LRRC45: variants seen among roughly 807,000 people sequenced by gnomAD.
LRRC45 encodes leucine-rich repeat-containing protein 45.
Under a neutral mutation model 85.4 loss-of-function variants are expected in LRRC45, and 73 were observed. That is an observed-to-expected ratio of 0.85 (90% CI 0.71 to 1.04). The LOEUF is 1.04. LRRC45 is among the 50% of genes least tolerant of loss of function. The probability of loss-of-function intolerance (pLI) is 0.00; values close to 1 mark genes in which losing one functional copy is unlikely to be tolerated. For synonymous variants in LRRC45, 429 were observed against 386.0 expected, an observed-to-expected ratio of 1.11 and a Z score of -1.31; for missense variants, 937 against 883.3, an observed-to-expected ratio of 1.06 and a Z score of -0.77.
rs1437504479 is a variant in LRRC45, at chr17:82,025,113, T to C, written c.467T>C (p.Ile156Thr). ...LQRLDLRNNQ[I>T]SHKGAEELAL... ...CGGCTGGACCTCCGCAACAACCAGA[T>C]CAGTCACAAGGGCGCGGAGGAGCTG... Residue 156 changes from isoleucine (I) to threonine (T), a missense_variant, in exon 4 of 17, where the codon ATC becomes ACC. Coordinates refer to ENST00000306688, the MANE Select transcript of LRRC45 (RefSeq NM_144999.4). 6.2e-7 allele frequency: 1 copy of C among 1,611,300 alleles called. No individual in the cohort carries two copies. The highest frequency in any genetic ancestry group is 8.5e-7 in the Non-Finnish European group (1 of 1,179,374).
In LRRC45 at chr17:82,026,880, GAC is replaced by G. The variant is rs777755013; in HGVS notation, c.662-15_662-14del. Reference sequence around the variant, plus strand: ...CAGGCATGAGCCCCTGTGCCCAGCTGACACAGCTCCTTCTGCAGAGCAAGCCA... The same window carrying G: ...CAGGCATGAGCCCCTGTGCCCAGCTGACAGCTCCTTCTGCAGAGCAAGCCA... On this transcript the variant is annotated splice_polypyrimidine_tract_variant and intron_variant, in intron 5 of 16. Coordinates refer to ENST00000306688, the MANE Select transcript of LRRC45 (RefSeq NM_144999.4). 4 of 1,586,376 alleles carry G rather than the reference GAC, an allele frequency of 2.5e-6. No homozygotes were observed. Among genetic ancestry groups the G allele is most frequent in the African/African-American group, 2.7e-5 (2 of 74,710 alleles).
Position 82,030,609 on chromosome 17 carries a change from TG to T in LRRC45, c.1818del (p.Met607TrpfsTer57). Reference sequence around the variant, plus strand: ...GCTCACTGCGCTCCTTGCCCTGCAGTGATGGCGAGCGACCACCGAGAGGCGC... The same window carrying T: ...GCTCACTGCGCTCCTTGCCCTGCAGTATGGCGAGCGACCACCGAGAGGCGC... ...KAAALERQLK[V>X]MASDHREALL... On this transcript the variant is annotated frameshift_variant and splice_region_variant, in exon 17 of 17. Coordinates refer to ENST00000306688, the MANE Select transcript of LRRC45 (RefSeq NM_144999.4). LOFTEE classifies it high-confidence loss of function. 3 of 1,291,706 alleles carry T rather than the reference TG, an allele frequency of 2.3e-6. No homozygotes were observed. The highest frequency in any genetic ancestry group is 2.0e-5 in the South Asian group (1 of 49,586). The allele number at this position is 1,291,706 out of a possible 1,614,324, so 80.0% of individuals were successfully genotyped here.
In LRRC45 at chr17:82,028,116, G is replaced by A; in HGVS notation, c.1017G>A (p.Arg339=). 1 of 1,573,416 alleles carries A rather than the reference G, an allele frequency of 6.4e-7. No individual in the cohort carries two copies. Among genetic ancestry groups the A allele is most frequent in the Non-Finnish European group, 8.6e-7 (1 of 1,160,498 alleles). ...AGGAGCAGCTGAGCCTGTCACAGAG[G>A]CAGGCCAAGGAGCTCAAGCTGGAGC... ...AEQEQLSLSQ[R]QAKELKLEQQ... Residue 339 remains arginine (R), a synonymous_variant, in exon 9 of 17, where the codon AGG becomes AGA. Transcript: ENST00000306688.
chr17:82,029,311 C>A, intron 13 of LRRC45, 126 bp downstream of exon 13: 1 of 1,012,226 alleles, frequency 9.9e-7, no homozygotes, highest in Non-Finnish European at 1.4e-6. Flanking sequence ...TAGGCCCCAC[C>A]TTGGGGACCC....
chr17:82,028,779 C>A, intron 12 of LRRC45, 96 bp downstream of exon 12: 2 of 1,355,532 alleles, frequency 1.5e-6, no homozygotes, highest in South Asian at 1.3e-5. Context: ...CTTCCCTTGC[C>A]AACCTTGGGT....
intron 14 of LRRC45, 87 bp from the exon 15 acceptor site, chr17:82,029,978 A>T: frequency 7.1e-7 from 1 of 1,412,358 alleles, no homozygotes; most frequent in Non-Finnish European, 9.3e-7. Flanking sequence ...AGTCCTGCAG[A>T]GAGGTGGGGT....
chr17:82,023,863 G>C lies in LRRC45; in HGVS notation c.220G>C (p.Gly74Arg). ...VLSDCMLSEE[G>R]ATLLLRGLCA... The stretch of plus-strand genomic sequence containing the variant: ...GAGTGACTGCATGCTCAGCGAGGAA[G>C]GTGGGCAGGCGCGGCGGGGTGGATC... Residue 74 changes from glycine (G) to arginine (R), a missense_variant and splice_region_variant, in exon 1 of 17, where the codon GGG becomes CGG. Gly to Arg is a moderately radical substitution (Grantham distance 125, BLOSUM62 -2). Coordinates refer to ENST00000306688, the MANE Select transcript of LRRC45 (RefSeq NM_144999.4). 6.4e-7 allele frequency: 1 copy of C among 1,555,448 alleles called. No homozygotes were observed. Among genetic ancestry groups the C allele is most frequent in the Non-Finnish European group, 8.7e-7 (1 of 1,151,962 alleles).
At position 82,030,688 on chromosome 17, in the gene LRRC45, G is replaced by A. The variant is rs1244876135; in HGVS notation, c.1896G>A (p.Arg632=). 1.5e-5 allele frequency: 23 copies of A among 1,490,828 alleles called. No individual in the cohort carries two copies. Among genetic ancestry groups the A allele is most frequent in the Non-Finnish European group, 2.1e-5 (23 of 1,110,860 alleles). The allele number at this position is 1,490,828 out of a possible 1,614,324, so 92.3% of individuals were successfully genotyped here. ...NASLREKLRL[R]EAEIARIRDE... ...CTCTCCGGGAGAAGCTGCGGCTCCGGGAGGCGGAGATCGCCCGCATCCGGG... is the reference window on the plus strand; with the variant it reads ...CTCTCCGGGAGAAGCTGCGGCTCCGAGAGGCGGAGATCGCCCGCATCCGGG... The change falls in exon 17 of 17, where the codon CGG becomes CGA. Residue 632 remains arginine, a synonymous_variant. Transcript: ENST00000306688.
chr17:82,023,667 C>T lies in LRRC45; in HGVS notation c.24C>T (p.Tyr8=). The change falls in exon 1 of 17, where the codon TAC becomes TAT. Residue 8 remains tyrosine (Y), a synonymous_variant. Coordinates refer to ENST00000306688, the MANE Select transcript of LRRC45 (RefSeq NM_144999.4). MEEFRRS[Y]SRLCRESGAE... ...TCATGGAGGAGTTCCGGCGCTCCTA[C>T]AGCCGCCTGTGCAGGGAGAGTGGGG... 1.3e-6 allele frequency: 2 copies of T among 1,545,670 alleles called. No homozygotes were observed. Among genetic ancestry groups the T allele is most frequent in the Non-Finnish European group, 1.7e-6 (2 of 1,151,668 alleles).
At position 82,023,627 on chromosome 17, in the gene LRRC45, T is replaced by G; in HGVS notation, c.-17T>G. 6.6e-7 allele frequency: 1 copy of G among 1,515,324 alleles called. No homozygotes were observed. The allele number at this position is 1,515,324 out of a possible 1,614,324, so 93.9% of individuals were successfully genotyped here. A position where few individuals can be genotyped will look rare whatever the true frequency, so the allele number is the denominator to read the frequency against. On this transcript the variant is annotated 5_prime_UTR_variant, in exon 1 of 17. Transcript: ENST00000306688. ...CTGCGGGAGCATGCGGAGGAGGCCC[T>G]GCCGGCCCCGCGGGTCATGGAGGAG...
chr17:82,027,481 A>G (rs2043378739), intron 7 of LRRC45, 37 bp downstream of exon 7: 1 of 1,611,886 alleles, frequency 6.2e-7, no homozygotes, highest in Non-Finnish European at 8.5e-7. Flanking sequence ...GTGAGGCTTC[A>G]GGGATCAGGT....
chr17:82,028,827 C>G (rs2043391130), intron 12 of LRRC45, 144 bp downstream of exon 12: 1 of 974,810 alleles, frequency 1.0e-6, no homozygotes, highest in Non-Finnish European at 1.5e-6. Flanking sequence ...GAGCGGATGT[C>G]AGACCCAGAA....
At chr17:82,027,487 C>T (rs1201618670) in intron 7 of LRRC45, 43 bp downstream of exon 7, 1 of 1,610,994 alleles carries the variant, frequency 6.2e-7, no homozygotes, top group Non-Finnish European at 8.5e-7. Flanking sequence ...CTTCAGGGAT[C>T]AGGTCCTGGC....
Position 82,027,002 on chromosome 17 carries a change from G to A in LRRC45, c.765G>A (p.Lys255=), listed in dbSNP as rs747545133. ...AGGTCCAGCACCTCCGGGAGGAGAAGTCCAAGCAGGTGAGGATGGCGCCTT... is the reference window on the plus strand; with the variant it reads ...AGGTCCAGCACCTCCGGGAGGAGAAATCCAAGCAGGTGAGGATGGCGCCTT... ...SKEVQHLREE[K]SKQFLDLMET... Residue 255 remains lysine (K), a synonymous_variant, in exon 6 of 17, where the codon AAG becomes AAA. Transcript: ENST00000306688. The A allele has an allele frequency of 4.6e-5, 74 of 1,597,206 alleles. No individual in the cohort carries two copies. The highest frequency in any genetic ancestry group is 5.4e-5 in the Non-Finnish European group (63 of 1,175,242).
intron 12 of LRRC45, 87 bp downstream of exon 12, chr17:82,028,770 TTCCCTTGCCAACC>T: frequency 7.1e-7 from 1 of 1,417,102 alleles, no homozygotes; most frequent in South Asian, 1.3e-5. Context: ...TGGTGGGAGC[TTCCCTTGCCAACC>T]TTGGGTCACT....
At chr17:82,024,419 G>T in intron 2 of LRRC45, 80 bp downstream of exon 2, 1 of 1,544,692 alleles carries the variant, frequency 6.5e-7, no homozygotes, top group Non-Finnish European at 8.9e-7. Flanking sequence ...GGTCTCGGGG[G>T]CCTGGGGTCT....
chr17:82,028,617 C>T lies in LRRC45; in HGVS notation c.1242C>T (p.Arg414=), dbSNP rs1273521251. The change falls in exon 12 of 17, where the codon CGC becomes CGT. Residue 414 remains arginine (R), a synonymous_variant. Transcript: ENST00000306688. The part of the protein sequence containing the change: ...LKMRAIQAEE[R]LDMEKRRCRQ... ...CTGCCCACCCTGGGCTTCCAGAGCG[C>T]CTGGACATGGAGAAGAGAAGATGCA... The T allele has an allele frequency of 1.2e-6, 2 of 1,612,872 alleles. No homozygotes were observed. The highest frequency in any genetic ancestry group is 2.2e-5 in the South Asian group (2 of 91,084).
Position 82,023,325 on chromosome 17 carries a change from C to A in LRRC45, c.-319C>A, listed in dbSNP as rs1223529388. On this transcript the variant is annotated 5_prime_UTR_variant, in exon 1 of 17. Transcript: ENST00000306688. ...GCCTTGTTCTTCCTGGATACTGAGG[C>A]CCCGACGCGGCTGTCGCGAGGGCGG... 2.2e-6 allele frequency: 1 copy of A among 462,618 alleles called. No individual in the cohort carries two copies. The highest frequency in any genetic ancestry group is 3.8e-6 in the Non-Finnish European group (1 of 262,096). 28.7% of individuals were successfully genotyped at this position (462,618 alleles called of 1,614,324 possible).
At position 82,028,849 on chromosome 17, in the gene LRRC45, G is replaced by A. The variant is rs535896728; in HGVS notation, c.1308+166G>A. On this transcript the variant is annotated intron_variant, in intron 12 of 16. Coordinates refer to ENST00000306688, the MANE Select transcript of LRRC45 (RefSeq NM_144999.4). ...TGTCAGACCCAGAACCTCCTATTGG[G>A]GGCGGCGGGGGGACCCCGGCAATGT... is the stretch of plus-strand genomic sequence containing the variant. 8.4e-6 allele frequency: 7 copies of A among 832,916 alleles called. No homozygotes were observed. In the African/African-American group the frequency reaches 8.6e-5, roughly 10 times the overall value. 51.6% of individuals were successfully genotyped at this position (832,916 alleles called of 1,614,324 possible). A position where few individuals can be genotyped will look rare whatever the true frequency, so the allele number is the denominator to read the frequency against.
Sources: allele counts gnomAD v4.1 joint callset, GRCh38; gene constraint gnomAD v4.1.1; transcripts MANE v1.5; gene names NCBI Gene and HGNC (gene_info 2026-07-23, HGNC 2026-07-21).